GRIN2A: variants seen among roughly 807,000 people sequenced by gnomAD.
GRIN2A encodes glutamate receptor ionotropic, NMDA 2A.
Under a neutral mutation model 113.4 loss-of-function variants are expected in GRIN2A, and 22 were observed. That is an observed-to-expected ratio of 0.19 (90% CI 0.14 to 0.28). GRIN2A has a LOEUF of 0.28. GRIN2A is among the 10% of genes least tolerant of loss of function. The pLI is 1.00. For missense variants in GRIN2A, 1,502 were observed against 1,887.0 expected (o/e 0.80, Z 3.78); for synonymous variants, 827 against 738.4 (o/e 1.12, Z -1.94).
intron 2 of GRIN2A, among the ~76,000 whole-genome samples, chr16:10,087,655 G>A (rs973541275): frequency 6.6e-6 from 1 of 152,110 alleles, no homozygotes; most frequent in Admixed American, 6.6e-5. Context: ...CTATATAAGA[G>A]ACTTAATGCA....
At chr16:9,907,293 A>G (rs987183793) in intron 3 of GRIN2A, among the ~76,000 whole-genome samples, 1 of 152,242 alleles carries the variant, frequency 6.6e-6, no homozygotes, top group African/African-American at 2.4e-5. Context: ...GAATACAAAC[A>G]ATGAATTATA....
At chr16:9,910,413 A>C (rs555809422) in intron 3 of GRIN2A, among the ~76,000 whole-genome samples, 1 of 152,212 alleles carries the variant, frequency 6.6e-6, no homozygotes, top group African/African-American at 2.4e-5. Flanking sequence ...AGTAACAAAG[A>C]AAGCAAGCAG....
intron 2 of GRIN2A, among the ~76,000 whole-genome samples, chr16:10,109,301 C>G (rs1373990736): frequency 6.6e-6 from 1 of 151,614 alleles, no homozygotes; most frequent in East Asian, 1.9e-4. Flanking sequence ...AAGTAAACTT[C>G]AGGCCCAGAT....
chr16:10,153,189 C>G (rs1331172418), intron 2 of GRIN2A, among the ~76,000 whole-genome samples: 1 of 152,126 alleles, frequency 6.6e-6, no homozygotes, highest in Admixed American at 6.5e-5. Context: ...ACAGGGATGG[C>G]TATTCATGTG....
At chr16:10,009,623 C>A (rs1200176045) in intron 2 of GRIN2A, among the ~76,000 whole-genome samples, 1 of 152,106 alleles carries the variant, frequency 6.6e-6, no homozygotes, top group Non-Finnish European at 1.5e-5. Flanking sequence ...CTCACCTGGG[C>A]ACCCACCCCA....
intron 3 of GRIN2A, among the ~76,000 whole-genome samples, chr16:9,922,541 A>C (rs1418150935): frequency 6.6e-6 from 1 of 152,116 alleles, no homozygotes; most frequent in East Asian, 1.9e-4. Context: ...CACATTCTTC[A>C]TGCCCTCATA....
At chr16:10,138,905 G>C (rs1229518337) in intron 2 of GRIN2A, among the ~76,000 whole-genome samples, 1 of 152,190 alleles carries the variant, frequency 6.6e-6, no homozygotes, top group Non-Finnish European at 1.5e-5. Context: ...AGTGAATTAA[G>C]TGCTGAGAGA....
At chr16:9,976,717 C>G (rs1485547228) in intron 2 of GRIN2A, among the ~76,000 whole-genome samples, 1 of 152,168 alleles carries the variant, frequency 6.6e-6, no homozygotes, top group Non-Finnish European at 1.5e-5. Context: ...AATGAAATCA[C>G]AGGCGCACAG....
chr16:9,817,826 G>A (rs1401135535), intron 10 of GRIN2A, among the ~76,000 whole-genome samples: 3 of 152,212 alleles, frequency 2.0e-5, no homozygotes. Context: ...TTACTGAAAC[G>A]TGTGGGTGGA....
In GRIN2A at chr16:9,753,957, C is replaced by G; in HGVS notation, c.*9192G>C. ...TGGACTCAGACATAAACCTGGATAGCTGCTTAATTCAATAACTTTCTTGCA... is the reference window on the plus strand; with the variant it reads ...TGGACTCAGACATAAACCTGGATAGGTGCTTAATTCAATAACTTTCTTGCA... On this transcript the variant is annotated 3_prime_UTR_variant, in exon 13 of 13. Coordinates refer to ENST00000330684, the MANE Select transcript of GRIN2A (RefSeq NM_001134407.3). The G allele has an allele frequency of 5.6e-6, 1 of 179,120 alleles. No individual in the cohort carries two copies. Among genetic ancestry groups the G allele is most frequent in the Non-Finnish European group, 1.2e-5 (1 of 83,468 alleles). 11.1% of individuals were successfully genotyped at this position (179,120 alleles called of 1,614,324 possible).
intron 2 of GRIN2A, among the ~76,000 whole-genome samples, chr16:10,003,351 G>A (rs1403794710): frequency 2.6e-5 from 4 of 152,154 alleles, no homozygotes; most frequent in African/African-American, 4.8e-5. Context: ...TTCCAGATAA[G>A]ATATCTATTA....
At chr16:9,954,900 T>C (rs891228256) in intron 2 of GRIN2A, among the ~76,000 whole-genome samples, 2 of 152,170 alleles carry the variant, frequency 1.3e-5, no homozygotes, top group African/African-American at 4.8e-5. Flanking sequence ...ATGTTCATTA[T>C]GTTGAGTGGT....
At chr16:10,040,855 A>T (rs908467119) in intron 2 of GRIN2A, among the ~76,000 whole-genome samples, 1 of 152,254 alleles carries the variant, frequency 6.6e-6, no homozygotes, top group African/African-American at 2.4e-5. Context: ...CTGGCAGGTC[A>T]GAGCTGTGCC....
intron 10 of GRIN2A, among the ~76,000 whole-genome samples, chr16:9,799,757 C>T (rs1232083769): frequency 6.6e-6 from 1 of 152,126 alleles, no homozygotes; most frequent in Admixed American, 6.5e-5. Flanking sequence ...ATACACATAG[C>T]ACTTTTAAAT....
At chr16:9,948,551 G>A (rs1025355021) in intron 2 of GRIN2A, among the ~76,000 whole-genome samples, 2 of 152,210 alleles carry the variant, frequency 1.3e-5, no homozygotes, top group Non-Finnish European at 2.9e-5. Flanking sequence ...GGAGGACTAG[G>A]CAATGACATA....
intron 3 of GRIN2A, among the ~76,000 whole-genome samples, chr16:9,899,913 A>G (rs7197391): frequency 0.029 from 4,490 of 152,322 alleles, 224 homozygotes; most frequent in African/African-American, 0.1. Context: ...TTAGAATTCA[A>G]TTTTGTGGCT....
intron 2 of GRIN2A, among the ~76,000 whole-genome samples, chr16:10,058,389 T>C (rs906144373): frequency 4.6e-5 from 7 of 152,170 alleles, no homozygotes; most frequent in Non-Finnish European, 1.0e-4. Flanking sequence ...AAAACAAACT[T>C]GTGTTATGTT....
At chr16:10,127,529 C>T (rs1169081144) in intron 2 of GRIN2A, among the ~76,000 whole-genome samples, 1 of 152,210 alleles carries the variant, frequency 6.6e-6, no homozygotes, top group Admixed American at 6.5e-5. Context: ...CACCCTTGTG[C>T]ACCAAGAGCC....
At chr16:10,048,378 C>T (rs995037541) in intron 2 of GRIN2A, among the ~76,000 whole-genome samples, 6 of 152,170 alleles carry the variant, frequency 3.9e-5, no homozygotes, top group Non-Finnish European at 8.8e-5. Context: ...GGAGAACTGC[C>T]TACTACCTCA....
Sources: allele counts gnomAD v4.1 joint callset (sites outside exome capture counted in the v4.1 genomes callset), GRCh38; gene constraint gnomAD v4.1.1; transcripts MANE v1.5; gene names NCBI Gene and HGNC (gene_info 2026-07-23, HGNC 2026-07-21).